Variants in CADPS observed in about 807,000 individuals in gnomAD.
The protein encoded by CADPS is calcium-dependent secretion activator 1.
In CADPS, 57 loss-of-function variants were observed where a neutral mutation model predicts 167.3. The ratio of observed to expected loss-of-function variants is 0.34; its 90% CI spans 0.28 to 0.42. CADPS has a LOEUF of 0.42. CADPS is among the 20% of genes least tolerant of loss of function. CADPS has a pLI of 1.00. For missense variants in CADPS, 1,414 were observed against 1,738.1 expected (o/e 0.81, Z 3.32); for synonymous variants, 676 against 635.3 (o/e 1.06, Z -0.96).
chr3:62,721,825 G>A (rs1277854512), intron 3 of CADPS, among the ~76,000 whole-genome samples: 1 of 149,678 alleles, frequency 6.7e-6, no homozygotes, highest in Non-Finnish European at 1.5e-5. Flanking sequence ...TCCGCATTTT[G>A]CAAATGAGGA....
At chr3:62,755,293 T>A (rs551290771) in intron 2 of CADPS, among the ~76,000 whole-genome samples, 5 of 152,258 alleles carry the variant, frequency 3.3e-5, no homozygotes, top group Admixed American at 1.3e-4. Flanking sequence ...GACCAAGACT[T>A]CTTCTATTAA....
At chr3:62,580,630 T>C (rs2083252789) in intron 8 of CADPS, among the ~76,000 whole-genome samples, 1 of 150,424 alleles carries the variant, frequency 6.6e-6, no homozygotes, top group South Asian at 2.1e-4. Context: ...AAAAAACCAC[T>C]GACTGTATAT....
At chr3:62,547,104 G>A (rs540287254) in intron 11 of CADPS, among the ~76,000 whole-genome samples, 1 of 152,278 alleles carries the variant, frequency 6.6e-6, no homozygotes, top group South Asian at 2.1e-4. Flanking sequence ...CACACTGGCT[G>A]GTACTCTGGC....
At chr3:62,861,840 G>T (rs1317383488) in intron 1 of CADPS, among the ~76,000 whole-genome samples, 2 of 152,144 alleles carry the variant, frequency 1.3e-5, no homozygotes, top group Admixed American at 1.3e-4. Context: ...ATATTTGTCT[G>T]TTCATATGTC....
chr3:62,497,947 C>A (rs2065089821), intron 18 of CADPS, among the ~76,000 whole-genome samples: 1 of 152,142 alleles, frequency 6.6e-6, no homozygotes, highest in Non-Finnish European at 1.5e-5. Flanking sequence ...CATGCACGCA[C>A]AAGAGAATCA....
chr3:62,505,676 G>T (rs751324838), intron 17 of CADPS, among the ~76,000 whole-genome samples: 13 of 152,154 alleles, frequency 8.5e-5, no homozygotes, highest in Non-Finnish European at 1.5e-4. Flanking sequence ...CATGACAAGG[G>T]TTATGCCTTC....
intron 26 of CADPS, among the ~76,000 whole-genome samples, chr3:62,447,030 T>A (rs1321615459): frequency 6.6e-6 from 1 of 152,182 alleles, no homozygotes; most frequent in African/African-American, 2.4e-5. Flanking sequence ...TGCTCTTTTC[T>A]CAATGCTAGT....
intron 24 of CADPS, chr3:62,466,780 T>A (rs975302538): frequency 8.2e-6 from 2 of 244,946 alleles, no homozygotes; most frequent in African/African-American, 4.6e-5. Context: ...AAAAATTATC[T>A]TTGGAAAACT....
At chr3:62,682,215 G>A (rs528542854) in intron 3 of CADPS, among the ~76,000 whole-genome samples, 204 of 152,122 alleles carry the variant, frequency 1.3e-3, no homozygotes, top group African/African-American at 4.8e-3. Flanking sequence ...TGGAATCAAA[G>A]AAAGAACTCC....
Position 62,544,269 on chromosome 3 carries a change from A to G in CADPS, c.1966+5634T>C, listed in dbSNP as rs114715790. Among the ~76,000 whole-genome samples, 504 of 152,282 alleles carry G rather than the reference A, an allele frequency of 3.3e-3. 6 individuals carry two copies. The highest frequency in any genetic ancestry group is 0.011 in the African/African-American group (476 of 41,574). ...GCTAGAATGAACTCTTTAGTGTTCA[A>G]ATAATGCATTTGCTTTCTTAATTGT... On this transcript the variant is annotated intron_variant, in intron 11 of 29. Transcript: ENST00000383710. The surrounding 1 kb of genome is among the most constrained non-coding windows in gnomAD (Gnocchi z 4.4).
chr3:62,658,302 A>C (rs2072246820), intron 4 of CADPS, among the ~76,000 whole-genome samples: 1 of 152,158 alleles, frequency 6.6e-6, no homozygotes, highest in Non-Finnish European at 1.5e-5. Flanking sequence ...CCAGTGTCTG[A>C]CTGACACATT....
intron 6 of CADPS, among the ~76,000 whole-genome samples, chr3:62,623,531 T>A (rs1294054569): frequency 6.6e-6 from 1 of 152,200 alleles, no homozygotes; most frequent in African/African-American, 2.4e-5. Flanking sequence ...GATTTCTATT[T>A]ATTTTTGGCA....
chr3:62,693,552 C>G (rs913320399), intron 3 of CADPS, among the ~76,000 whole-genome samples: 3 of 152,138 alleles, frequency 2.0e-5, no homozygotes, highest in Non-Finnish European at 4.4e-5. Context: ...GAGGCTGAGA[C>G]AGGCGGATCA....
At chr3:62,819,162 T>A (rs926181211) in intron 1 of CADPS, among the ~76,000 whole-genome samples, 2 of 151,324 alleles carry the variant, frequency 1.3e-5, no homozygotes, top group Non-Finnish European at 3.0e-5. Context: ...TTAAGATCTG[T>A]TTGTTTGAAT....
intron 28 of CADPS, among the ~76,000 whole-genome samples, chr3:62,418,886 C>T (rs764263816): frequency 1.6e-4 from 24 of 151,910 alleles, no homozygotes; most frequent in Admixed American, 1.2e-3. Context: ...TCTGAAACTG[C>T]GGAATGTCTA....
intron 24 of CADPS, among the ~76,000 whole-genome samples, chr3:62,468,955 C>T (rs560084965): frequency 1.1e-4 from 16 of 152,212 alleles, no homozygotes; most frequent in African/African-American, 3.4e-4. Context: ...TGCATGGAAA[C>T]GTGGTTTAGA....
intron 29 of CADPS, among the ~76,000 whole-genome samples, chr3:62,400,521 T>C (rs533393348): frequency 6.6e-6 from 1 of 151,974 alleles, no homozygotes; most frequent in South Asian, 2.1e-4. Flanking sequence ...CCTATTGATA[T>C]AGGAAACTTG....
At chr3:62,724,924 C>T (rs112765905) in intron 3 of CADPS, among the ~76,000 whole-genome samples, 2,672 of 152,346 alleles carry the variant, frequency 0.018, 37 homozygotes, top group Non-Finnish European at 0.029. Context: ...TTGAATTTCA[C>T]GGCTAATTCT....
At position 62,847,367 on chromosome 3, in the gene CADPS, C is replaced by T. The variant is rs1173017316; in HGVS notation, c.441+27222G>A. Among the ~76,000 whole-genome samples the T allele has an allele frequency of 2.1e-3, 256 of 120,178 alleles. 1 individual carries two copies. Among genetic ancestry groups the T allele is most frequent in the Middle Eastern group, 4.3e-3 (1 of 234 alleles). 78.8% of individuals were successfully genotyped at this position (120,178 alleles called of 152,430 possible). Reference sequence around the variant, plus strand: ...TATGTATACATGTGCCATGCTGGTGCGCTGCACCCACTAACTCGTCATCTA... The same window carrying T: ...TATGTATACATGTGCCATGCTGGTGTGCTGCACCCACTAACTCGTCATCTA... On this transcript the variant is annotated intron_variant, in intron 1 of 29. Coordinates refer to ENST00000383710, the MANE Select transcript of CADPS (RefSeq NM_003716.4).
Sources: allele counts gnomAD v4.1 joint callset (sites outside exome capture counted in the v4.1 genomes callset), GRCh38; gene constraint gnomAD v4.1.1; non-coding constraint Gnocchi (gnomAD v3.1); transcripts MANE v1.5; gene names NCBI Gene and HGNC (gene_info 2026-07-23, HGNC 2026-07-21).